The following MAPK10 variants were observed in gnomAD, a reference collection of about 807,000 sequenced individuals.
MAPK10 encodes mitogen-activated protein kinase 10, also known as JNK3 alpha protein kinase.
MAPK10 carries 25 observed loss-of-function variants against 59.3 expected under a neutral mutation model. That is an observed-to-expected ratio of 0.42 (90% CI 0.31 to 0.59). The LOEUF (loss-of-function observed/expected upper bound fraction) is 0.59. Ranked by LOEUF, MAPK10 falls within the 20% of genes least tolerant of loss-of-function variation. The pLI, the probability that MAPK10 is intolerant of heterozygous loss-of-function variation, is 0.15. For synonymous variants in MAPK10, 190 were observed against 200.5 expected, an observed-to-expected ratio of 0.95 and a Z score of 0.44; for missense variants, 351 against 568.9, an observed-to-expected ratio of 0.62 and a Z score of 3.90.
At chr4:86,442,743 C>T (rs1042619122) in intron 1 of MAPK10, among the ~76,000 whole-genome samples, 1 of 152,070 alleles carries the variant, frequency 6.6e-6, no homozygotes, top group Non-Finnish European at 1.5e-5. Flanking sequence ...CCAGTACATT[C>T]CTTTACCTGT....
chr4:86,219,844 T>C (rs571048605), intron 2 of MAPK10: 1 of 152,270 alleles, frequency 6.6e-6, no homozygotes, highest in African/African-American at 2.4e-5. Context: ...CAAGTTATAG[T>C]TATGGGCTGG....
intron 2 of MAPK10, among the ~76,000 whole-genome samples, chr4:86,265,870 G>C (rs1027585656): frequency 1.3e-5 from 2 of 152,142 alleles, no homozygotes; most frequent in Admixed American, 6.5e-5. Flanking sequence ...CCATTGTTGA[G>C]TTGGGGTTCA....
intron 1 of MAPK10, among the ~76,000 whole-genome samples, chr4:86,373,349 A>G (rs1053629280): frequency 2.6e-5 from 4 of 151,992 alleles, no homozygotes; most frequent in African/African-American, 9.7e-5. Context: ...ATAGGCATGG[A>G]CAAAGACTTC....
At chr4:86,049,413 G>A (rs956079843) in intron 11 of MAPK10, among the ~76,000 whole-genome samples, 6 of 151,672 alleles carry the variant, frequency 4.0e-5, no homozygotes, top group Non-Finnish European at 7.4e-5. Context: ...ATATCTCATA[G>A]TGGATTTTCT....
intron 1 of MAPK10, among the ~76,000 whole-genome samples, chr4:86,582,336 A>G (rs975450481): frequency 6.6e-6 from 1 of 152,200 alleles, no homozygotes; most frequent in African/African-American, 2.4e-5. Flanking sequence ...TCCAAGTACT[A>G]GATACCATAT....
chr4:86,037,115 T>G (rs1012423421), intron 11 of MAPK10, among the ~76,000 whole-genome samples: 1 of 152,236 alleles, frequency 6.6e-6, no homozygotes, highest in Admixed American at 6.5e-5. Flanking sequence ...TTCTGCATAA[T>G]AAATCTATAG....
chr4:86,554,438 C>T (rs1023615481), intron 1 of MAPK10, among the ~76,000 whole-genome samples: 1 of 152,146 alleles, frequency 6.6e-6, no homozygotes, highest in Non-Finnish European at 1.5e-5. Flanking sequence ...TAATTATACT[C>T]CTAAATATTC....
intron 2 of MAPK10, among the ~76,000 whole-genome samples, chr4:86,339,536 C>G (rs991171895): frequency 1.3e-5 from 2 of 152,184 alleles, no homozygotes; most frequent in Admixed American, 1.3e-4. Flanking sequence ...ATTAGCCTAA[C>G]AGTCTAATTT....
chr4:86,345,272 C>A (rs574111260), intron 2 of MAPK10, among the ~76,000 whole-genome samples: 1 of 152,132 alleles, frequency 6.6e-6, no homozygotes, highest in African/African-American at 2.4e-5. Flanking sequence ...TGGATGAGAC[C>A]GCTTAGGTAT....
intron 1 of MAPK10, among the ~76,000 whole-genome samples, chr4:86,538,680 T>C (rs1171079911): frequency 6.6e-6 from 1 of 152,128 alleles, no homozygotes; most frequent in Non-Finnish European, 1.5e-5. Flanking sequence ...ACTCTTCCTA[T>C]CCATGAACAA....
intron 1 of MAPK10, among the ~76,000 whole-genome samples, chr4:86,468,418 G>C (rs1348737839): frequency 6.6e-6 from 1 of 152,048 alleles, no homozygotes; most frequent in East Asian, 1.9e-4. Flanking sequence ...TTGACAATAG[G>C]GGTATAGGCA....
intron 4 of MAPK10, among the ~76,000 whole-genome samples, chr4:86,115,647 G>C (rs2058190068): frequency 6.9e-6 from 1 of 144,554 alleles, no homozygotes; most frequent in African/African-American, 2.9e-5. Flanking sequence ...TTTTAGTAGA[G>C]ACGGGGTTTC....
At chr4:86,257,207 T>C (rs2093780132) in intron 2 of MAPK10, among the ~76,000 whole-genome samples, 1 of 152,196 alleles carries the variant, frequency 6.6e-6, no homozygotes, top group Admixed American at 6.5e-5. Flanking sequence ...AATCCCCTAA[T>C]ATTAACTTAT....
chr4:86,374,343 C>T (rs1466031271), intron 1 of MAPK10, among the ~76,000 whole-genome samples: 1 of 152,114 alleles, frequency 6.6e-6, no homozygotes, highest in African/African-American at 2.4e-5. Flanking sequence ...CTCCATGGCA[C>T]ATGTATACCT....
intron 4 of MAPK10, among the ~76,000 whole-genome samples, chr4:86,118,201 T>C (rs1327504162): frequency 6.6e-6 from 1 of 152,244 alleles, no homozygotes; most frequent in Non-Finnish European, 1.5e-5. Context: ...CATCTGCAAA[T>C]TGGCATCATT....
chr4:86,030,741 T>C (rs922175509), intron 12 of MAPK10, among the ~76,000 whole-genome samples: 3 of 152,220 alleles, frequency 2.0e-5, no homozygotes, highest in Non-Finnish European at 4.4e-5. Flanking sequence ...TTTACACTTA[T>C]TAATTCCTGC....
chr4:86,074,604 G>C (rs185787878), intron 9 of MAPK10, among the ~76,000 whole-genome samples: 17,877 of 85,698 alleles, frequency 0.21, 2,054 homozygotes, highest in African/African-American at 0.28. Context: ...GACAAAATCT[G>C]TCAGCATTTG....
intron 4 of MAPK10, among the ~76,000 whole-genome samples, chr4:86,136,485 TGAGA>T (rs1164512131): frequency 1.3e-5 from 2 of 149,868 alleles, no homozygotes; most frequent in African/African-American, 2.5e-5. Context: ...AAGCAAATGC[TGAGA>T]GATTTTGTCC....
intron 13 of MAPK10, among the ~76,000 whole-genome samples, chr4:86,019,021 A>AAC (rs1214484284): frequency 6.6e-6 from 1 of 152,244 alleles, no homozygotes; most frequent in African/African-American, 2.4e-5. Flanking sequence ...AGAGGACACA[A>AAC]ACACCTAAAC....
Sources: allele counts gnomAD v4.1 joint callset (sites outside exome capture counted in the v4.1 genomes callset), GRCh38; gene constraint gnomAD v4.1.1; transcripts MANE v1.5; gene names NCBI Gene and HGNC (gene_info 2026-07-23, HGNC 2026-07-21).